ANKS1B: variants seen among roughly 807,000 people sequenced by gnomAD.
The protein encoded by ANKS1B is ankyrin repeat and sterile alpha motif domain containing 1B.
ANKS1B carries 36 observed loss-of-function variants against 148.3 expected under a neutral mutation model. That is an observed-to-expected ratio of 0.24 (90% CI 0.19 to 0.32). The LOEUF (loss-of-function observed/expected upper bound fraction) is 0.32. ANKS1B is among the 10% of genes least tolerant of loss of function. The probability of loss-of-function intolerance (pLI) is 1.00; values close to 1 mark genes in which losing one functional copy is unlikely to be tolerated. For missense variants in ANKS1B, 1,157 were observed against 1,542.6 expected (o/e 0.75, Z 4.19); for synonymous variants, 542 against 560.8 (o/e 0.97, Z 0.47).
chr12:98,750,703 C>T (rs558807424), intron 26 of ANKS1B, among the ~76,000 whole-genome samples: 3 of 152,258 alleles, frequency 2.0e-5, no homozygotes, highest in East Asian at 1.9e-4. Context: ...CAGAGGAGGC[C>T]GCTTTGAAGT....
intron 14 of ANKS1B, among the ~76,000 whole-genome samples, chr12:99,199,727 A>G (rs1401443369): frequency 6.6e-6 from 1 of 152,154 alleles, no homozygotes; most frequent in Non-Finnish European, 1.5e-5. Context: ...ACAGAAAAAG[A>G]GAGAGAGATA....
At chr12:99,421,731 A>T (rs1388647784) in intron 11 of ANKS1B, among the ~76,000 whole-genome samples, 1 of 152,180 alleles carries the variant, frequency 6.6e-6, no homozygotes, top group East Asian at 1.9e-4. Flanking sequence ...TGCTTTAGAA[A>T]CAAACCCAAG....
intron 2 of ANKS1B, among the ~76,000 whole-genome samples, chr12:99,820,224 G>C (rs1385834116): frequency 6.6e-6 from 1 of 151,782 alleles, no homozygotes; most frequent in African/African-American, 2.4e-5. Flanking sequence ...TCCTGATCTG[G>C]CTAATTGAAG....
At chr12:99,768,652 C>T (rs926914780) in intron 8 of ANKS1B, among the ~76,000 whole-genome samples, 1 of 151,804 alleles carries the variant, frequency 6.6e-6, no homozygotes, top group African/African-American at 2.4e-5. Context: ...ATGGTGAAAC[C>T]CCGTGTCTAC....
Position 99,911,841 on chromosome 12 carries a change from T to A in ANKS1B, c.134+72263A>T, listed in dbSNP as rs770083000. 5.7e-4 allele frequency among the ~76,000 whole-genome samples: 87 copies of A among 152,134 alleles called. 2 individuals are homozygous for A. Among genetic ancestry groups the A allele is most frequent in the Non-Finnish European group, 3.4e-4 (23 of 68,036 alleles). ...AGTATCCATGTGTAAAAGATAAGGG[T>A]TCCCTTCTTAAAAGTATAATCATGA... On this transcript the variant is annotated intron_variant, in intron 1 of 26. Coordinates refer to ENST00000683438, the MANE Select transcript of ANKS1B (RefSeq NM_001352186.2).
At chr12:99,155,541 T>A (rs916510379) in intron 14 of ANKS1B, among the ~76,000 whole-genome samples, 1 of 149,352 alleles carries the variant, frequency 6.7e-6, no homozygotes, top group Non-Finnish European at 1.5e-5. Flanking sequence ...ACTGGATAGA[T>A]TTTTTTTTTA....
intron 9 of ANKS1B, among the ~76,000 whole-genome samples, chr12:99,622,402 G>A (rs1397208535): frequency 6.6e-6 from 1 of 151,510 alleles, no homozygotes; most frequent in Non-Finnish European, 1.5e-5. Flanking sequence ...AGAACAGAAT[G>A]AAATAAAAGT....
chr12:99,125,389 A>G (rs183369058), intron 15 of ANKS1B, among the ~76,000 whole-genome samples: 3 of 152,172 alleles, frequency 2.0e-5, no homozygotes, highest in African/African-American at 7.2e-5. Flanking sequence ...TTAATAATTC[A>G]CGTTCAATGC....
At chr12:99,599,075 T>C (rs189505697) in intron 9 of ANKS1B, among the ~76,000 whole-genome samples, 100 of 152,192 alleles carry the variant, frequency 6.6e-4, no homozygotes, top group African/African-American at 2.4e-3. Flanking sequence ...TGTAAAGATC[T>C]CCCTCTGTCT....
intron 15 of ANKS1B, among the ~76,000 whole-genome samples, chr12:99,111,677 T>G (rs1693834788): frequency 1.3e-5 from 2 of 152,064 alleles, no homozygotes; most frequent in South Asian, 4.1e-4. Flanking sequence ...TGATTAAGGG[T>G]TAGCAATTTT....
chr12:99,531,510 T>C (rs1033573789), intron 9 of ANKS1B, among the ~76,000 whole-genome samples: 1 of 152,154 alleles, frequency 6.6e-6, no homozygotes, highest in Non-Finnish European at 1.5e-5. Context: ...TGGCTTCCAG[T>C]TCCATACAAG....
At chr12:99,772,230 T>C (rs1187195927) in intron 8 of ANKS1B, among the ~76,000 whole-genome samples, 2 of 152,134 alleles carry the variant, frequency 1.3e-5, no homozygotes, top group Non-Finnish European at 2.9e-5. Flanking sequence ...AATCTATCCT[T>C]CTAATCTTAT....
At chr12:99,894,299 G>A (rs2093277768) in intron 1 of ANKS1B, among the ~76,000 whole-genome samples, 1 of 53,116 alleles carries the variant, frequency 1.9e-5, no homozygotes, top group South Asian at 7.0e-4. Context: ...AAGGGAGGGA[G>A]GGAGGGAGGG....
At chr12:99,057,714 A>AGAAT (rs2040735805) in intron 16 of ANKS1B, among the ~76,000 whole-genome samples, 1 of 151,596 alleles carries the variant, frequency 6.6e-6, no homozygotes, top group Non-Finnish European at 1.5e-5. Flanking sequence ...GCTGGCCAAT[A>AGAAT]GAATGCGTGA....
In ANKS1B at chr12:98,801,275, A is replaced by ATTTTTTTT. The variant is rs2099003007; in HGVS notation, c.3142-151_3142-150insAAAAAAAA. ...GTGAATATAAATACTTGGTTATTAC[A>ATTTTTTTT]TTTTTATATGTATTAGCATATCTCT... On this transcript the variant is annotated intron_variant, in intron 20 of 26. Transcript: ENST00000683438. This position sits in a 1 kb window ranked among gnomAD's most constrained non-coding sequence, Gnocchi z 5.2. 2 of 666,272 alleles carry ATTTTTTTT rather than the reference A, an allele frequency of 3.0e-6. No individual in the cohort carries two copies. Among genetic ancestry groups the ATTTTTTTT allele is most frequent in the African/African-American group, 3.6e-5 (2 of 55,040 alleles). The allele number at this position is 666,272 out of a possible 1,614,324, so 41.3% of individuals were successfully genotyped here.
chr12:99,887,487 T>C (rs918874754), intron 1 of ANKS1B, among the ~76,000 whole-genome samples: 1 of 152,204 alleles, frequency 6.6e-6, no homozygotes, highest in African/African-American at 2.4e-5. Flanking sequence ...GCTTGTATTA[T>C]ATTTCCAGCG....
chr12:99,000,987 G>A (rs775271735), intron 17 of ANKS1B, among the ~76,000 whole-genome samples: 33 of 151,880 alleles, frequency 2.2e-4, no homozygotes, highest in East Asian at 3.9e-4. Context: ...GTGTGTGTGC[G>A]CGCGTGCATG....
At chr12:99,158,116 T>C (rs2076272346) in intron 14 of ANKS1B, among the ~76,000 whole-genome samples, 1 of 152,164 alleles carries the variant, frequency 6.6e-6, no homozygotes, top group Admixed American at 6.5e-5. Flanking sequence ...TGTTGTTTGT[T>C]TGCGGTTTTG....
chr12:99,256,664 G>C (rs2075295810), intron 12 of ANKS1B, among the ~76,000 whole-genome samples: 1 of 152,000 alleles, frequency 6.6e-6, no homozygotes, highest in Non-Finnish European at 1.5e-5. Flanking sequence ...TTCTCTCACA[G>C]TTTGAAGAAA....
Sources: allele counts gnomAD v4.1 joint callset (sites outside exome capture counted in the v4.1 genomes callset), GRCh38; gene constraint gnomAD v4.1.1; non-coding constraint Gnocchi (gnomAD v3.1); transcripts MANE v1.5; gene names NCBI Gene and HGNC (gene_info 2026-07-23, HGNC 2026-07-21).